CRISPLD1: variants seen among roughly 807,000 people sequenced by gnomAD.
The protein encoded by CRISPLD1 is cysteine rich secretory protein LCCL domain containing 1, also known as cysteine-rich secretory protein LCCL domain-containing 1.
CRISPLD1 carries 60 observed loss-of-function variants against 77.5 expected under a neutral mutation model. The ratio of observed to expected loss-of-function variants is 0.77; its 90% CI spans 0.63 to 0.96. CRISPLD1 has a LOEUF of 0.96. Among genes scored for constraint, CRISPLD1 ranks in the 40% least tolerant of loss-of-function variants. The pLI, the probability that CRISPLD1 is intolerant of heterozygous loss-of-function variation, is 0.00. For synonymous variants in CRISPLD1, 195 were observed against 200.1 expected, an observed-to-expected ratio of 0.97 and a Z score of 0.22; for missense variants, 623 against 615.8, an observed-to-expected ratio of 1.01 and a Z score of -0.12.
At chr8:75,003,978 T>A (rs2128783233) in intron 2 of CRISPLD1, among the ~76,000 whole-genome samples, 1 of 152,308 alleles carries the variant, frequency 6.6e-6, no homozygotes, top group Non-Finnish European at 1.5e-5. Flanking sequence ...TGTGAGTATA[T>A]CTGCATATTA....
intron 1 of CRISPLD1, among the ~76,000 whole-genome samples, chr8:74,985,663 T>G (rs890527474): frequency 1.3e-5 from 2 of 151,402 alleles, no homozygotes; most frequent in Non-Finnish European, 3.0e-5. Flanking sequence ...TCTAGGCTAC[T>G]TTTGCCATTT....
At position 75,013,235 on chromosome 8, in the gene CRISPLD1, A is replaced by G. The variant is rs182818008; in HGVS notation, c.510+213A>G. 1.3e-4 allele frequency among the ~76,000 whole-genome samples: 20 copies of G among 152,204 alleles called. No individual in the cohort carries two copies. The East Asian group carries it at 3.9e-3, about 29-fold the overall frequency. ...CCAAACATCTACTTAAAAAGACATTATTTCAGTGATTTTGCATATCAAACA... is the reference window on the plus strand; with the variant it reads ...CCAAACATCTACTTAAAAAGACATTGTTTCAGTGATTTTGCATATCAAACA... On this transcript the variant is annotated intron_variant, in intron 4 of 14. Transcript: ENST00000262207.
At chr8:74,992,470 TATAG>T in intron 2 of CRISPLD1, among the ~76,000 whole-genome samples, 1 of 152,262 alleles carries the variant, frequency 6.6e-6, no homozygotes, top group Non-Finnish European at 1.5e-5. Context: ...TCTAAAACAT[TATAG>T]ATAAAGTTCA....
chr8:75,027,281 C>T (rs759225809), intron 13 of CRISPLD1, among the ~76,000 whole-genome samples: 9 of 152,286 alleles, frequency 5.9e-5, no homozygotes, highest in East Asian at 1.9e-4. Flanking sequence ...CACATAGCTA[C>T]GTCAGGTATT....
chr8:74,996,543 A>G (rs1300964152), intron 2 of CRISPLD1, among the ~76,000 whole-genome samples: 1 of 152,038 alleles, frequency 6.6e-6, no homozygotes, highest in Non-Finnish European at 1.5e-5. Flanking sequence ...TCAGCTAAGG[A>G]AAGATACAGA....
At chr8:75,031,142 C>T (rs998607552) in intron 14 of CRISPLD1, among the ~76,000 whole-genome samples, 1 of 151,946 alleles carries the variant, frequency 6.6e-6, no homozygotes, top group Non-Finnish European at 1.5e-5. Flanking sequence ...TTGGATTGGC[C>T]ATCTACTTGC....
In CRISPLD1 at chr8:75,032,518, G is replaced by A. The variant is rs1813369244; in HGVS notation, c.*276G>A. On this transcript the variant is annotated 3_prime_UTR_variant, in exon 15 of 15. Transcript: ENST00000262207. ...TTTCTACAGTTAATTACATAGTCATGATTGTTCTACGTTTCATATATTATA... is the reference window on the plus strand; with the variant it reads ...TTTCTACAGTTAATTACATAGTCATAATTGTTCTACGTTTCATATATTATA... 4.3e-6 allele frequency: 1 copy of A among 233,308 alleles called. No individual in the cohort carries two copies. The highest frequency in any genetic ancestry group is 5.5e-5 in the Admixed American group (1 of 18,116). The allele number at this position is 233,308 out of a possible 1,614,324, so 14.5% of individuals were successfully genotyped here. A position where few individuals can be genotyped will look rare whatever the true frequency, so the allele number is the denominator to read the frequency against.
chr8:75,017,179 G>T (rs1228433104), intron 9 of CRISPLD1, 66 bp downstream of exon 9: 1 of 1,522,728 alleles, frequency 6.6e-7, no homozygotes, highest in African/African-American at 1.4e-5. Context: ...TTTTTATTGT[G>T]CAAAATAACA....
intron 2 of CRISPLD1, among the ~76,000 whole-genome samples, chr8:75,010,564 C>A (rs1812911611): frequency 6.6e-6 from 1 of 152,046 alleles, no homozygotes; most frequent in African/African-American, 2.4e-5. Flanking sequence ...CATCATTGAT[C>A]TGAAGTTGCT....
At chr8:75,027,043 A>C (rs572422616) in intron 13 of CRISPLD1, 1 of 152,272 alleles carries the variant, frequency 6.6e-6, no homozygotes, top group African/African-American at 2.4e-5. Context: ...GGACCTTCCA[A>C]CCCAAGTATG....
intron 2 of CRISPLD1, among the ~76,000 whole-genome samples, chr8:74,988,220 A>G (rs1812523860): frequency 6.6e-6 from 1 of 152,192 alleles, no homozygotes; most frequent in Non-Finnish European, 1.5e-5. Flanking sequence ...TGTAAATGAG[A>G]TGTAGATCAT....
chr8:74,997,209 A>G (rs1812659805), intron 2 of CRISPLD1, among the ~76,000 whole-genome samples: 1 of 152,166 alleles, frequency 6.6e-6, no homozygotes, highest in South Asian at 2.1e-4. Flanking sequence ...GGCTATTGCT[A>G]TATTCTGTGT....
chr8:74,985,452 T>A (rs1812480673), intron 1 of CRISPLD1, among the ~76,000 whole-genome samples: 1 of 152,198 alleles, frequency 6.6e-6, no homozygotes, highest in Non-Finnish European at 1.5e-5. Flanking sequence ...GTGGACATTC[T>A]GAGTGTGAAA....
intron 4 of CRISPLD1, 98 bp from the exon 5 acceptor site, chr8:75,013,889 G>T: frequency 1.3e-6 from 1 of 763,870 alleles, no homozygotes; most frequent in Non-Finnish European, 2.3e-6. Flanking sequence ...GATAAACGTT[G>T]GCTTCTCACA....
At chr8:74,989,251 G>A (rs1812538010) in intron 2 of CRISPLD1, among the ~76,000 whole-genome samples, 1 of 152,186 alleles carries the variant, frequency 6.6e-6, no homozygotes, top group African/African-American at 2.4e-5. Flanking sequence ...GGAGAAATAA[G>A]TTATTGGTGA....
intron 2 of CRISPLD1, among the ~76,000 whole-genome samples, chr8:75,003,782 C>T (rs1812784970): frequency 6.6e-6 from 1 of 152,072 alleles, no homozygotes; most frequent in South Asian, 2.1e-4. Flanking sequence ...GGCAGGGGAC[C>T]TTGACACTGA....
intron 2 of CRISPLD1, among the ~76,000 whole-genome samples, chr8:75,003,113 T>C (rs1812773763): frequency 6.6e-6 from 1 of 152,204 alleles, no homozygotes; most frequent in South Asian, 2.1e-4. Context: ...GGCACAGCAA[T>C]TTATCATTCT....
chr8:75,016,172 A>T (rs1481944432), intron 6 of CRISPLD1, among the ~76,000 whole-genome samples: 1 of 152,160 alleles, frequency 6.6e-6, no homozygotes, highest in African/African-American at 2.4e-5. Context: ...TCTAAATGTG[A>T]TCCTCCTGAA....
chr8:74,993,254 A>G (rs1812600395), intron 2 of CRISPLD1, among the ~76,000 whole-genome samples: 1 of 152,148 alleles, frequency 6.6e-6, no homozygotes, highest in Admixed American at 6.5e-5. Flanking sequence ...GCAATTCTTG[A>G]TTCCTAAAAT....
Sources: allele counts gnomAD v4.1 joint callset (sites outside exome capture counted in the v4.1 genomes callset), GRCh38; gene constraint gnomAD v4.1.1; transcripts MANE v1.5; gene names NCBI Gene and HGNC (gene_info 2026-07-23, HGNC 2026-07-21).